KCNB2: variants seen among roughly 807,000 people sequenced by gnomAD.
KCNB2 encodes the protein delayed rectifier potassium channel protein.
KCNB2 carries 15 observed loss-of-function variants against 61.5 expected under a neutral mutation model. The ratio of observed to expected loss-of-function variants is 0.24; its 90% CI spans 0.16 to 0.38. The LOEUF (loss-of-function observed/expected upper bound fraction) is 0.38. Ranked by LOEUF, KCNB2 falls within the 10% of genes least tolerant of loss-of-function variation. The pLI, the probability that KCNB2 is intolerant of heterozygous loss-of-function variation, is 1.00. For missense variants in KCNB2, 828 were observed against 1,125.2 expected (o/e 0.74, Z 3.78); for synonymous variants, 457 against 446.0 (o/e 1.02, Z -0.31).
intron 2 of KCNB2, among the ~76,000 whole-genome samples, chr8:72,924,994 G>A (rs534935275): frequency 1.6e-4 from 24 of 152,262 alleles, no homozygotes; most frequent in African/African-American, 4.8e-4. Context: ...CAGCATGGCC[G>A]TCCATATATT....
intron 2 of KCNB2, among the ~76,000 whole-genome samples, chr8:72,638,121 G>A (rs1805996868): frequency 6.6e-6 from 1 of 152,094 alleles, no homozygotes; most frequent in African/African-American, 2.4e-5. Flanking sequence ...TTCATTCACT[G>A]TTAGAATTAT....
chr8:72,831,449 AG>A (rs1809693054), intron 2 of KCNB2, among the ~76,000 whole-genome samples: 1 of 152,198 alleles, frequency 6.6e-6, no homozygotes. Context: ...AAACTCTAGA[AG>A]GACTGTAGAT....
intron 2 of KCNB2, among the ~76,000 whole-genome samples, chr8:72,687,254 T>C (rs550119066): frequency 6.6e-6 from 1 of 152,350 alleles, no homozygotes; most frequent in African/African-American, 2.4e-5. Context: ...TCATGGTATT[T>C]TCTCATGACT....
At chr8:72,725,587 GTATGTATATATATATA>G (rs1563572033) in intron 2 of KCNB2, among the ~76,000 whole-genome samples, 3 of 25,204 alleles carry the variant, frequency 1.2e-4, no homozygotes, top group East Asian at 1.4e-3. Flanking sequence ...ATATATATAT[GTATGTATATATATATA>G]TATATATATA....
chr8:72,853,786 C>G (rs1041269944), intron 2 of KCNB2, among the ~76,000 whole-genome samples: 2 of 152,150 alleles, frequency 1.3e-5, no homozygotes, highest in Admixed American at 1.3e-4. Context: ...TATAAATGCC[C>G]TTTTTGGATG....
intron 2 of KCNB2, among the ~76,000 whole-genome samples, chr8:72,753,068 G>A (rs574526789): frequency 1.7e-4 from 26 of 152,306 alleles, no homozygotes; most frequent in African/African-American, 2.9e-4. Context: ...AGCTGACAAC[G>A]TGAGGAAATA....
At chr8:72,811,062 G>A (rs552698542) in intron 2 of KCNB2, among the ~76,000 whole-genome samples, 2 of 151,648 alleles carry the variant, frequency 1.3e-5, no homozygotes, top group African/African-American at 2.4e-5. Flanking sequence ...CTACCTTCTC[G>A]ATCATTTCTT....
intron 2 of KCNB2, among the ~76,000 whole-genome samples, chr8:72,677,108 C>CAT (rs60573297): frequency 0.71 from 107,331 of 151,690 alleles, 38,870 homozygotes; most frequent in African/African-American, 0.85. Flanking sequence ...TGGACACAGA[C>CAT]GTACACATGG....
At chr8:72,865,008 C>T (rs898110029) in intron 2 of KCNB2, among the ~76,000 whole-genome samples, 66 of 152,298 alleles carry the variant, frequency 4.3e-4, no homozygotes, top group African/African-American at 1.4e-3. Context: ...TCACCTCCCA[C>T]CTGTCTCACC....
intron 2 of KCNB2, among the ~76,000 whole-genome samples, chr8:72,707,655 C>CA (rs1462982295): frequency 6.6e-6 from 1 of 152,164 alleles, no homozygotes; most frequent in Non-Finnish European, 1.5e-5. Context: ...ATCCAGAACT[C>CA]AAAAACGAAA....
At chr8:72,685,372 C>A (rs964190885) in intron 2 of KCNB2, among the ~76,000 whole-genome samples, 3 of 151,984 alleles carry the variant, frequency 2.0e-5, no homozygotes, top group Non-Finnish European at 4.4e-5. Flanking sequence ...TTAATTAATT[C>A]ATTAACAAAT....
chr8:72,926,042 C>T (rs561406032), intron 2 of KCNB2, among the ~76,000 whole-genome samples: 4 of 152,208 alleles, frequency 2.6e-5, no homozygotes, highest in Admixed American at 1.3e-4. Context: ...AGGAGCTGAA[C>T]GATGAGAACA....
At chr8:72,593,383 C>T (rs1322510428) in intron 2 of KCNB2, among the ~76,000 whole-genome samples, 2 of 152,120 alleles carry the variant, frequency 1.3e-5, no homozygotes, top group East Asian at 1.9e-4. Flanking sequence ...TAGATTATCT[C>T]TTTGGTTATG....
intron 2 of KCNB2, among the ~76,000 whole-genome samples, chr8:72,598,902 A>G (rs566243536): frequency 5.2e-4 from 79 of 152,312 alleles, no homozygotes; most frequent in Non-Finnish European, 9.8e-4. Flanking sequence ...GATGTGAAAG[A>G]CCTCTTCAAG....
chr8:72,822,146 C>T (rs1232857288), intron 2 of KCNB2, among the ~76,000 whole-genome samples: 1 of 152,202 alleles, frequency 6.6e-6, no homozygotes, highest in Non-Finnish European at 1.5e-5. Flanking sequence ...TTTAAATAAC[C>T]TTTCTTCAGG....
intron 2 of KCNB2, among the ~76,000 whole-genome samples, chr8:72,793,607 G>A (rs1808980449): frequency 6.6e-6 from 1 of 152,006 alleles, no homozygotes; most frequent in African/African-American, 2.4e-5. Flanking sequence ...CCAAAGCCTA[G>A]GCCCACCCCA....
intron 2 of KCNB2, among the ~76,000 whole-genome samples, chr8:72,583,474 AAC>A (rs1206421286): frequency 9.2e-5 from 14 of 152,246 alleles, no homozygotes; most frequent in African/African-American, 3.4e-4. Flanking sequence ...GCAAAAAAAA[AAC>A]AAAAAAAAAC....
At chr8:72,685,728 G>A (rs962165106) in intron 2 of KCNB2, among the ~76,000 whole-genome samples, 1 of 152,178 alleles carries the variant, frequency 6.6e-6, no homozygotes, top group Non-Finnish European at 1.5e-5. Flanking sequence ...AGTGGCTCAC[G>A]CCTGTAATCC....
chr8:72,885,192 T>C (rs57941721), intron 2 of KCNB2, among the ~76,000 whole-genome samples: 8,174 of 152,130 alleles, frequency 0.054, 283 homozygotes, highest in South Asian at 0.1. Context: ...AACTAAATAT[T>C]CCTAGGTCAT....
Sources: allele counts gnomAD v4.1 joint callset (sites outside exome capture counted in the v4.1 genomes callset), GRCh38; gene constraint gnomAD v4.1.1; transcripts MANE v1.5; gene names NCBI Gene and HGNC (gene_info 2026-07-23, HGNC 2026-07-21).